Variants in GRM7 observed in about 807,000 individuals in gnomAD.
GRM7 encodes glutamate metabotropic receptor 7.
In GRM7, 35 loss-of-function variants were observed where a neutral mutation model predicts 84.5. That is an observed-to-expected ratio of 0.41 (90% CI 0.32 to 0.55). The LOEUF (loss-of-function observed/expected upper bound fraction) is 0.55. Ranked by LOEUF, GRM7 falls within the 20% of genes least tolerant of loss-of-function variation. The pLI, the probability that GRM7 is intolerant of heterozygous loss-of-function variation, is 0.19. For missense variants in GRM7, 1,003 were observed against 1,194.6 expected (o/e 0.84, Z 2.36); for synonymous variants, 487 against 455.1 (o/e 1.07, Z -0.89).
At chr3:6,878,469 G>C (rs1016081224) in intron 1 of GRM7, among the ~76,000 whole-genome samples, 2 of 150,652 alleles carry the variant, frequency 1.3e-5, no homozygotes, top group African/African-American at 4.9e-5. Context: ...AGATTTTAGG[G>C]ACATCTAGTT....
At chr3:7,574,488 A>G (rs17665316) in intron 7 of GRM7, among the ~76,000 whole-genome samples, 23,947 of 152,246 alleles carry the variant, frequency 0.16, 2,243 homozygotes, top group Middle Eastern at 0.29. Context: ...AAAAATGGCT[A>G]CTATAGCTCT....
At chr3:7,625,307 C>G (rs17723289) in intron 8 of GRM7, among the ~76,000 whole-genome samples, 19,970 of 151,924 alleles carry the variant, frequency 0.13, 1,520 homozygotes, top group Non-Finnish European at 0.17. Flanking sequence ...GAGGAAGCAG[C>G]AATGGGAATA....
chr3:7,005,070 T>A (rs1695136416), intron 1 of GRM7, among the ~76,000 whole-genome samples: 2 of 152,172 alleles, frequency 1.3e-5, no homozygotes. Flanking sequence ...AAAGGGAAGG[T>A]CTGTATGTGG....
intron 2 of GRM7, among the ~76,000 whole-genome samples, chr3:7,185,190 A>G (rs1695473477): frequency 6.6e-6 from 1 of 152,142 alleles, no homozygotes; most frequent in Non-Finnish European, 1.5e-5. Flanking sequence ...TATGAGGGCA[A>G]AAAAAGCAGC....
chr3:7,453,579 T>A (rs545814895), intron 6 of GRM7, among the ~76,000 whole-genome samples: 2 of 152,120 alleles, frequency 1.3e-5, no homozygotes, highest in South Asian at 4.1e-4. Context: ...TAGGGCAAAG[T>A]CTGAAAGGGT....
At chr3:7,399,862 C>T (rs761675524) in intron 4 of GRM7, among the ~76,000 whole-genome samples, 8 of 152,074 alleles carry the variant, frequency 5.3e-5, no homozygotes, top group Non-Finnish European at 8.8e-5. Context: ...TGCTGTGAGC[C>T]GTGCTTTTTG....
intron 4 of GRM7, among the ~76,000 whole-genome samples, chr3:7,328,204 A>G (rs1701058644): frequency 6.6e-6 from 1 of 152,206 alleles, no homozygotes; most frequent in Admixed American, 6.5e-5. Flanking sequence ...AAGGTAACAG[A>G]TTAGGAAAAA....
At chr3:7,361,882 T>C (rs1693679560) in intron 4 of GRM7, among the ~76,000 whole-genome samples, 1 of 152,148 alleles carries the variant, frequency 6.6e-6, no homozygotes, top group Admixed American at 6.6e-5. Context: ...CTATTACTTA[T>C]GTGCAGTCTT....
intron 9 of GRM7, among the ~76,000 whole-genome samples, chr3:7,721,209 C>T (rs1321174451): frequency 6.6e-6 from 1 of 152,158 alleles, no homozygotes; most frequent in Non-Finnish European, 1.5e-5. Flanking sequence ...GTTGGTATTC[C>T]TTATTTTGGC....
In GRM7 at chr3:7,452,554, C is replaced by T. The variant is rs565859845; in HGVS notation, c.1175-53C>T. The T allele has an allele frequency of 5.2e-6, 6 of 1,154,970 alleles. No homozygotes were observed. The South Asian group carries it at 6.4e-5, about 12-fold the overall frequency. The allele number at this position is 1,154,970 out of a possible 1,614,324, so 71.5% of individuals were successfully genotyped here. A position where few individuals can be genotyped will look rare whatever the true frequency, so the allele number is the denominator to read the frequency against. On this transcript the variant is annotated intron_variant, in intron 5 of 9. Coordinates refer to ENST00000357716, the MANE Select transcript of GRM7 (RefSeq NM_000844.4). ...TAAATTTGGACATTCTACTCAATGCCAATTTGTGTGTGTGTGTGTGTGTGT... is the reference window on the plus strand; with the variant it reads ...TAAATTTGGACATTCTACTCAATGCTAATTTGTGTGTGTGTGTGTGTGTGT...
At chr3:7,640,569 T>G (rs145441699) in intron 8 of GRM7, among the ~76,000 whole-genome samples, 11 of 152,332 alleles carry the variant, frequency 7.2e-5, no homozygotes, top group African/African-American at 2.2e-4. Flanking sequence ...ATCTGAATGA[T>G]GCCAGTCAAG....
intron 8 of GRM7, among the ~76,000 whole-genome samples, chr3:7,601,560 A>G (rs1184625724): frequency 2.0e-5 from 3 of 152,150 alleles, no homozygotes; most frequent in African/African-American, 7.2e-5. Flanking sequence ...TTAGAAGAAA[A>G]GATGCAGCAA....
At chr3:7,633,391 G>T (rs944477636) in intron 8 of GRM7, among the ~76,000 whole-genome samples, 13 of 152,192 alleles carry the variant, frequency 8.5e-5, no homozygotes, top group African/African-American at 3.1e-4. Context: ...AAGTGATGGA[G>T]CCAGAGTTTG....
At chr3:7,194,922 C>T (rs140541582) in intron 2 of GRM7, among the ~76,000 whole-genome samples, 58 of 152,170 alleles carry the variant, frequency 3.8e-4, no homozygotes, top group Admixed American at 1.1e-3. Context: ...GTCTATCTTA[C>T]CTCAACAGAC....
intron 7 of GRM7, among the ~76,000 whole-genome samples, chr3:7,510,265 T>G (rs1700159476): frequency 6.6e-6 from 1 of 152,166 alleles, no homozygotes; most frequent in African/African-American, 2.4e-5. Flanking sequence ...ACTTGTCTTT[T>G]GAACATTCAG....
At chr3:7,472,511 A>G (rs1698743811) in intron 7 of GRM7, among the ~76,000 whole-genome samples, 1 of 152,222 alleles carries the variant, frequency 6.6e-6, no homozygotes, top group Admixed American at 6.5e-5. Context: ...GCAAGATGGA[A>G]GATTAATAGG....
intron 4 of GRM7, among the ~76,000 whole-genome samples, chr3:7,366,191 C>T (rs950316138): frequency 1.3e-5 from 2 of 151,798 alleles, no homozygotes; most frequent in Non-Finnish European, 2.9e-5. Context: ...TAACAGCCAA[C>T]CCTCATGTGT....
At chr3:7,104,990 C>T (rs1208990333) in intron 1 of GRM7, among the ~76,000 whole-genome samples, 1 of 151,762 alleles carries the variant, frequency 6.6e-6, no homozygotes. Flanking sequence ...AACATATTCT[C>T]ATTTAGTAAT....
At chr3:7,685,475 GACACAC>G in intron 9 of GRM7, among the ~76,000 whole-genome samples, 1 of 152,228 alleles carries the variant, frequency 6.6e-6, no homozygotes, top group African/African-American at 2.4e-5. Context: ...GACAGCGAGG[GACACAC>G]CCTTTTTTTT....
Sources: gnomAD v4.1 joint callset for allele counts (sites outside exome capture counted in the v4.1 genomes callset) on GRCh38, gnomAD v4.1.1 for gene constraint, MANE v1.5 for transcripts, NCBI Gene and HGNC (gene_info 2026-07-23, HGNC 2026-07-21) for gene names.